The following CPE variants were observed in gnomAD, a reference collection of about 807,000 sequenced individuals.
CPE encodes the protein carboxypeptidase E, also known as carbocypeptidase E.
Under a neutral mutation model 53.5 loss-of-function variants are expected in CPE, and 17 were observed. That is an observed-to-expected ratio of 0.32 (90% CI 0.22 to 0.48). The LOEUF (loss-of-function observed/expected upper bound fraction) is 0.48. CPE is among the 20% of genes least tolerant of loss of function. The pLI is 0.99. For synonymous variants in CPE, 226 were observed against 228.8 expected (o/e 0.99, Z 0.11); for missense variants, 524 against 614.7 (o/e 0.85, Z 1.56).
At chr4:165,387,693 C>T (rs1730617002) in intron 1 of CPE, among the ~76,000 whole-genome samples, 1 of 152,156 alleles carries the variant, frequency 6.6e-6, no homozygotes, top group South Asian at 2.1e-4. Flanking sequence ...CCTGTAATCC[C>T]AGCTACTCAG....
chr4:165,454,765 C>T (rs1341886662), intron 1 of CPE, among the ~76,000 whole-genome samples: 3 of 152,208 alleles, frequency 2.0e-5, no homozygotes, highest in Non-Finnish European at 4.4e-5. Flanking sequence ...ACAGTTTTCT[C>T]TTTGTTCCAG....
intron 1 of CPE, among the ~76,000 whole-genome samples, chr4:165,458,161 G>C (rs545735751): frequency 2.0e-5 from 3 of 152,320 alleles, no homozygotes; most frequent in South Asian, 2.1e-4. Flanking sequence ...CTGTTCCAAA[G>C]ATGTTTCCAA....
At chr4:165,405,485 T>G in intron 1 of CPE, 1 of 862,082 alleles carries the variant, frequency 1.2e-6, no homozygotes, top group Non-Finnish European at 2.0e-6. Context: ...GGAAAGCCCT[T>G]TAGTCCGCTT....
intron 1 of CPE, among the ~76,000 whole-genome samples, chr4:165,395,328 T>C (rs1159205776): frequency 6.6e-6 from 1 of 152,196 alleles, no homozygotes; most frequent in African/African-American, 2.4e-5. Flanking sequence ...TAATTCTCCA[T>C]TTGACATTTG....
intron 1 of CPE, among the ~76,000 whole-genome samples, chr4:165,446,666 G>A (rs939594404): frequency 6.6e-6 from 1 of 152,070 alleles, no homozygotes; most frequent in East Asian, 1.9e-4. Context: ...TTTTCTAATA[G>A]TTTGGAAAAA....
chr4:165,425,880 C>T (rs561893278), intron 1 of CPE, among the ~76,000 whole-genome samples: 8 of 152,270 alleles, frequency 5.3e-5, no homozygotes, highest in African/African-American at 1.9e-4. Flanking sequence ...CTACAGTGCA[C>T]CAGGCAGCCT....
chr4:165,478,818 G>A (rs2126709384), intron 3 of CPE, among the ~76,000 whole-genome samples: 1 of 152,276 alleles, frequency 6.6e-6, no homozygotes, highest in South Asian at 2.1e-4. Context: ...CTCCCTCTCA[G>A]AGAGTATTTT....
chr4:165,449,718 T>C (rs1731775929), intron 1 of CPE, among the ~76,000 whole-genome samples: 1 of 152,218 alleles, frequency 6.6e-6, no homozygotes, highest in African/African-American at 2.4e-5. Context: ...TTTTTTGTTA[T>C]TTAATTATCT....
chr4:165,480,995 G>GAGATATATATATATATATATAT (rs1422332791), intron 3 of CPE, among the ~76,000 whole-genome samples: 1 of 132,162 alleles, frequency 7.6e-6, no homozygotes, highest in African/African-American at 2.8e-5. Flanking sequence ...TTCTACAATG[G>GAGATATATATATATATATATAT]ATATATATAT....
chr4:165,379,582 A>G lies in CPE; in HGVS notation c.307+54A>G. ...GGGGCATCCCGGAGGGGGGCGGCAG[A>G]GGGTGGGACTGGTGGCGGTGGGGGA... is the stretch of plus-strand genomic sequence containing the variant. On this transcript the variant is annotated intron_variant, in intron 1 of 8. Coordinates refer to ENST00000402744, the MANE Select transcript of CPE (RefSeq NM_001873.4). This position sits in a 1 kb window ranked among gnomAD's most constrained non-coding sequence, Gnocchi z 6.0. 1.7e-6 allele frequency: 1 copy of G among 584,618 alleles called. No individual in the cohort carries two copies. The allele number at this position is 584,618 out of a possible 1,614,324, so 36.2% of individuals were successfully genotyped here. A position where few individuals can be genotyped will look rare whatever the true frequency, so the allele number is the denominator to read the frequency against.
At chr4:165,431,368 C>T (rs1232304308) in intron 1 of CPE, among the ~76,000 whole-genome samples, 2 of 152,046 alleles carry the variant, frequency 1.3e-5, no homozygotes, top group Admixed American at 6.6e-5. Flanking sequence ...GCGAAAGGAC[C>T]GGCAGAACTG....
At chr4:165,412,495 CTAT>C (rs1214124687) in intron 1 of CPE, among the ~76,000 whole-genome samples, 8 of 152,124 alleles carry the variant, frequency 5.3e-5, no homozygotes, top group African/African-American at 1.9e-4. Flanking sequence ...GAATCAGTTA[CTAT>C]TATTATCTCG....
chr4:165,395,941 A>G (rs1327981323), intron 1 of CPE, among the ~76,000 whole-genome samples: 1 of 152,168 alleles, frequency 6.6e-6, no homozygotes, highest in South Asian at 2.1e-4. Context: ...GTAAACAAAA[A>G]CTATTGGCTT....
At chr4:165,473,110 C>G (rs1375505551) in intron 3 of CPE, among the ~76,000 whole-genome samples, 1 of 152,112 alleles carries the variant, frequency 6.6e-6, no homozygotes, top group Non-Finnish European at 1.5e-5. Context: ...ATTTAGTAAG[C>G]CTAATAACTT....
rs1732064823 is a variant in CPE, at chr4:165,464,449, C to T, written c.367C>T (p.Leu123=). 1.2e-6 allele frequency: 2 copies of T among 1,613,478 alleles called. No individual in the cohort carries two copies. Among genetic ancestry groups the T allele is most frequent in the African/African-American group, 1.3e-5 (1 of 74,882 alleles). The change falls in exon 2 of 9, where the codon CTG becomes TTG. Residue 123 remains leucine (L), a synonymous_variant. Transcript: ENST00000402744. ...TGGGAATGAGGCTGTTGGACGAGAACTGCTCATTTTCTTGGCCCAGTACCT... is the reference window on the plus strand; with the variant it reads ...TGGGAATGAGGCTGTTGGACGAGAATTGCTCATTTTCTTGGCCCAGTACCT... The part of the protein sequence containing the change: ...MHGNEAVGRE[L]LIFLAQYLCN...
intron 2 of CPE, among the ~76,000 whole-genome samples, chr4:165,464,918 T>C (rs1256648158): frequency 2.6e-5 from 4 of 152,200 alleles, no homozygotes; most frequent in African/African-American, 7.2e-5. Context: ...ATATAAAAAA[T>C]ATCTACTGCC....
At chr4:165,424,172 A>T (rs1399838968) in intron 1 of CPE, among the ~76,000 whole-genome samples, 1 of 151,898 alleles carries the variant, frequency 6.6e-6, no homozygotes, top group Non-Finnish European at 1.5e-5. Flanking sequence ...TTTTCAAATT[A>T]TGAAGTGGTC....
chr4:165,485,047 G>C (rs1732483652), intron 5 of CPE, among the ~76,000 whole-genome samples: 1 of 152,090 alleles, frequency 6.6e-6, no homozygotes, highest in Admixed American at 6.6e-5. Flanking sequence ...TGGGATAATG[G>C]GGAGTATTTG....
intron 1 of CPE, chr4:165,405,101 T>G: frequency 1.4e-6 from 1 of 737,106 alleles, no homozygotes; most frequent in East Asian, 2.4e-5. Context: ...GGAATCCCTT[T>G]CAAATGACGT....
Sources: allele counts gnomAD v4.1 joint callset (sites outside exome capture counted in the v4.1 genomes callset), GRCh38; gene constraint gnomAD v4.1.1; non-coding constraint Gnocchi (gnomAD v3.1); transcripts MANE v1.5; gene names NCBI Gene and HGNC (gene_info 2026-07-23, HGNC 2026-07-21).